Variants in RAD9A observed in about 807,000 individuals in gnomAD.
RAD9A encodes the protein cell cycle checkpoint control protein RAD9A.
In RAD9A, 25 loss-of-function variants were observed where a neutral mutation model predicts 41.2. That is an observed-to-expected ratio of 0.61 (90% confidence interval 0.44 to 0.85). The LOEUF (loss-of-function observed/expected upper bound fraction) is 0.85. Ranked by LOEUF, RAD9A falls within the 40% of genes least tolerant of loss-of-function variation. The pLI is 0.00. For synonymous variants in RAD9A, 252 were observed against 210.6 expected (o/e 1.20, Z -1.70); for missense variants, 514 against 518.3 (o/e 0.99, Z 0.08).
intron 9 of RAD9A, 89 bp downstream of exon 9, chr11:67,396,489 A>G (rs1340535843): frequency 3.4e-6 from 5 of 1,481,724 alleles, no homozygotes; most frequent in Non-Finnish European, 4.6e-6. Flanking sequence ...ACCTCCCCGC[A>G]ATGTGTTCTC....
At position 67,392,713 on chromosome 11, in the gene RAD9A, G is replaced by C; in HGVS notation, c.165G>C (p.Pro55=). The C allele has an allele frequency of 6.2e-7, 1 of 1,613,916 alleles. No homozygotes were observed. The highest frequency in any genetic ancestry group is 1.1e-5 in the South Asian group (1 of 91,082). Residue 55 remains proline (P), a synonymous_variant, in exon 3 of 11, where the codon CCG becomes CCC. Transcript: ENST00000307980. ...RSAYACFLFA[P]LFFQQYQAAT... is the part of the protein sequence containing the mutation. Reference sequence around the variant, plus strand: ...CCTATGCCTGCTTTCTCTTTGCCCCGCTCTTCTTCCAGCAATACCAGGCAG... The same window carrying C: ...CCTATGCCTGCTTTCTCTTTGCCCCCCTCTTCTTCCAGCAATACCAGGCAG...
At chr11:67,392,255 CGGGTGGG>C in intron 2 of RAD9A, 24 bp downstream of exon 2, 86 of 453,266 alleles carry the variant, frequency 1.9e-4, no homozygotes, top group Middle Eastern at 4.0e-4. Flanking sequence ...GTGTGGGGGG[CGGGTGGG>C]ACTCCAGCCG....
Position 67,397,683 on chromosome 11 carries a change from T to C in RAD9A, c.*124T>C. On this transcript the variant is annotated 3_prime_UTR_variant, in exon 11 of 11. Transcript: ENST00000307980. ...GCTTGCTGGAGCTGAGCTGTTTCAC[T>C]GCCTCTCGCAGGCCCCAGCTGGCTG... 1 of 904,982 alleles carries C rather than the reference T, an allele frequency of 1.1e-6. No individual in the cohort carries two copies. The highest frequency in any genetic ancestry group is 1.6e-6 in the Non-Finnish European group (1 of 607,282). 56.1% of individuals were successfully genotyped at this position (904,982 alleles called of 1,614,324 possible). A position where few individuals can be genotyped will look rare whatever the true frequency, so the allele number is the denominator to read the frequency against.
chr11:67,398,160 A>C lies in RAD9A; in HGVS notation c.*601A>C, dbSNP rs915193187. 7.2e-6 allele frequency: 2 copies of C among 279,288 alleles called. No homozygotes were observed. Among genetic ancestry groups the C allele is most frequent in the African/African-American group, 4.4e-5 (2 of 45,236 alleles). The allele number at this position is 279,288 out of a possible 1,614,324, so 17.3% of individuals were successfully genotyped here. A position where few individuals can be genotyped will look rare whatever the true frequency, so the allele number is the denominator to read the frequency against. On this transcript the variant is annotated 3_prime_UTR_variant, in exon 11 of 11. Transcript: ENST00000307980. The stretch of plus-strand genomic sequence containing the variant: ...CAGAAGAGCTGCCAGGCAGTGTCTT[A>C]GATGTGAGACGGAGGCCATGGCGAG...
intron 9 of RAD9A, among the ~76,000 whole-genome samples, chr11:67,396,964 C>G (rs1053057242): frequency 2.6e-5 from 4 of 152,200 alleles, no homozygotes; most frequent in Non-Finnish European, 5.9e-5. Context: ...CCTCAGGCCC[C>G]TACCTGAATT....
intron 6 of RAD9A, 40 bp downstream of exon 6, chr11:67,395,865 G>A (rs1862676524): frequency 6.2e-7 from 1 of 1,612,820 alleles, no homozygotes; most frequent in Non-Finnish European, 8.5e-7. Context: ...CAGAGTGGCA[G>A]GTGGGAGAGG....
intron 5 of RAD9A, among the ~76,000 whole-genome samples, chr11:67,394,291 T>C (rs1862619569): frequency 6.6e-6 from 1 of 152,140 alleles, no homozygotes; most frequent in Admixed American, 6.5e-5. Context: ...GGCAGGAGGC[T>C]GGAGGGAGGC....
chr11:67,398,273 C>G lies in RAD9A; in HGVS notation c.*714C>G, dbSNP rs1862780868. ...CTGAGGCCAAGCACGGCTGGAGACC[C>G]ACGACCTGGCCTGCCGTTGCCCTGA... is the stretch of plus-strand genomic sequence containing the variant. On this transcript the variant is annotated 3_prime_UTR_variant, in exon 11 of 11. Coordinates refer to ENST00000307980, the MANE Select transcript of RAD9A (RefSeq NM_004584.3). 1 of 512,480 alleles carries G rather than the reference C, an allele frequency of 2.0e-6. No homozygotes were observed. Among genetic ancestry groups the G allele is most frequent in the Non-Finnish European group, 3.5e-6 (1 of 288,746 alleles). The allele number at this position is 512,480 out of a possible 1,614,324, so 31.7% of individuals were successfully genotyped here. A position where few individuals can be genotyped will look rare whatever the true frequency, so the allele number is the denominator to read the frequency against.
Position 67,397,907 on chromosome 11 carries a change from A to G in RAD9A, c.*348A>G. ...GGCTCACCTTCCTAAGGAAAATGTC[A>G]TAGTAGGTGCTGCTGGCCCCTGGTG... On this transcript the variant is annotated 3_prime_UTR_variant, in exon 11 of 11. Coordinates refer to ENST00000307980, the MANE Select transcript of RAD9A (RefSeq NM_004584.3). 3.7e-6 allele frequency: 1 copy of G among 273,220 alleles called. No homozygotes were observed. The highest frequency in any genetic ancestry group is 6.9e-6 in the Non-Finnish European group (1 of 144,010). The allele number at this position is 273,220 out of a possible 1,614,324, so 16.9% of individuals were successfully genotyped here. A position where few individuals can be genotyped will look rare whatever the true frequency, so the allele number is the denominator to read the frequency against.
chr11:67,393,856 GTTGAT>G, intron 5 of RAD9A, 66 bp downstream of exon 5: 1 of 1,299,048 alleles, frequency 7.7e-7, no homozygotes, highest in South Asian at 1.4e-5. Context: ...GCCCCAAGGG[GTTGAT>G]TTTAGAAGGT....
chr11:67,392,336 CG>C, intron 2 of RAD9A, 105 bp downstream of exon 2: 1 of 1,087,730 alleles, frequency 9.2e-7, no homozygotes, highest in South Asian at 1.6e-5. Context: ...GCAGATTTGT[CG>C]GCAAAGTTTC....
In RAD9A at chr11:67,397,624, C is replaced by G; in HGVS notation, c.*65C>G. The G allele has an allele frequency of 1.4e-6, 2 of 1,404,184 alleles. No homozygotes were observed. The highest frequency in any genetic ancestry group is 2.3e-5 in the East Asian group (1 of 42,660). The allele number at this position is 1,404,184 out of a possible 1,614,324, so 87.0% of individuals were successfully genotyped here. On this transcript the variant is annotated 3_prime_UTR_variant, in exon 11 of 11. Transcript: ENST00000307980. The stretch of plus-strand genomic sequence containing the variant: ...GACGAAGCCCCAGCCAGTGGCAGAA[C>G]TGGGTCTCTCAGCCCTGGGGATCAG...
At position 67,397,956 on chromosome 11, in the gene RAD9A, A is replaced by AC. The variant is rs1565119799; in HGVS notation, c.*399dup. ...TGATCCAGCTTCTCTGCCAATCATG[A>AC]CCTGTTCCTTCCTGAAGTCCTGGGC... On this transcript the variant is annotated 3_prime_UTR_variant, in exon 11 of 11. Transcript: ENST00000307980. 8.9e-6 allele frequency: 2 copies of AC among 223,778 alleles called. No individual in the cohort carries two copies. 13.9% of individuals were successfully genotyped at this position (223,778 alleles called of 1,614,324 possible).
At chr11:67,396,423 C>G (rs370979662) in intron 9 of RAD9A, 23 bp downstream of exon 9, 1 of 1,609,854 alleles carries the variant, frequency 6.2e-7, no homozygotes, top group Non-Finnish European at 8.5e-7. Context: ...CCCCCCAACT[C>G]CTCCTCTCTC....
chr11:67,396,058 C>A (rs775080560), intron 7 of RAD9A, 37 bp downstream of exon 7: 11 of 1,613,562 alleles, frequency 6.8e-6, no homozygotes, highest in Non-Finnish European at 8.5e-6. Flanking sequence ...TCCTGTCCTC[C>A]CTGCCCAGCT....
intron 2 of RAD9A, 103 bp from the exon 3 acceptor site, chr11:67,392,551 G>C (rs1480509962): frequency 1.4e-6 from 2 of 1,471,802 alleles, no homozygotes; most frequent in African/African-American, 1.4e-5. Context: ...GGTGGTGGCG[G>C]AGCGGGAGGA....
chr11:67,392,660 C>G lies in RAD9A; in HGVS notation c.112C>G (p.Leu38Val). The change falls in exon 3 of 11, where the codon CTC (leucine) becomes GTC (valine). Residue 38 changes from leucine to valine, a missense_variant. Leu to Val is a conservative substitution (Grantham distance 32, BLOSUM62 1). Around this residue, in one of 3 missense-constraint regions of RAD9A, gnomAD observed 268 missense variants for 279.3 expected, o/e 0.96. Coordinates refer to ENST00000307980, the MANE Select transcript of RAD9A (RefSeq NM_004584.3). ...YLEPLEDGLSLRTVNSSRSAY... is the reference protein window; with the variant it reads ...YLEPLEDGLSVRTVNSSRSAY... ...CCTGCTCTTCGTGGCCCAGCTCTCC[C>G]TCCGGACGGTGAACTCCTCCCGCTC... 1 of 1,613,776 alleles carries G rather than the reference C, an allele frequency of 6.2e-7. No individual in the cohort carries two copies. The highest frequency in any genetic ancestry group is 8.5e-7 in the Non-Finnish European group (1 of 1,179,980).
chr11:67,396,043 C>T (rs371182520), intron 7 of RAD9A, 22 bp downstream of exon 7: 51 of 1,613,552 alleles, frequency 3.2e-5, no homozygotes, highest in Non-Finnish European at 3.8e-5. Flanking sequence ...CCCAGGCGCT[C>T]GCCGTCCTGT....
At chr11:67,392,960 G>T in intron 3 of RAD9A, 178 bp downstream of exon 3, 2 of 964,196 alleles carry the variant, frequency 2.1e-6, no homozygotes, top group Non-Finnish European at 3.0e-6. Context: ...TGAGAGGGTG[G>T]TGACGCTCAA....
Sources: allele counts gnomAD v4.1 joint callset (sites outside exome capture counted in the v4.1 genomes callset), GRCh38; gene constraint gnomAD v4.1.1; regional missense constraint gnomAD v4.1.1; transcripts MANE v1.5; gene names NCBI Gene and HGNC (gene_info 2026-07-23, HGNC 2026-07-21).